The following CHRM2 variants were observed in gnomAD, a reference collection of about 807,000 sequenced individuals.
CHRM2 encodes the protein muscarinic acetylcholine receptor M2.
A neutral mutation model predicts 25.0 loss-of-function variants in CHRM2; 8 were observed. That is an observed-to-expected ratio of 0.32 (90% CI 0.19 to 0.58). CHRM2 has a LOEUF of 0.58. Ranked by LOEUF, CHRM2 falls within the 20% of genes least tolerant of loss-of-function variation. The probability of loss-of-function intolerance (pLI) is 0.88; values close to 1 mark genes in which losing one functional copy is unlikely to be tolerated. For synonymous variants in CHRM2, 202 were observed against 205.7 expected (o/e 0.98, Z 0.15); for missense variants, 440 against 567.1 (o/e 0.78, Z 2.28).
chr7:136,875,738 A>C (rs927029070), intron 2 of CHRM2, among the ~76,000 whole-genome samples: 4 of 152,198 alleles, frequency 2.6e-5, no homozygotes, highest in Non-Finnish European at 5.9e-5. Context: ...TCCATAGCTC[A>C]TAGAGCTGTT....
At chr7:136,910,261 AT>A (rs1797770171) in intron 2 of CHRM2, among the ~76,000 whole-genome samples, 1 of 151,918 alleles carries the variant, frequency 6.6e-6, no homozygotes, top group Admixed American at 6.6e-5. Context: ...GCTGATATTA[AT>A]TACCTACTAT....
At chr7:137,002,855 A>T (rs1407019676) in intron 3 of CHRM2, among the ~76,000 whole-genome samples, 1 of 152,108 alleles carries the variant, frequency 6.6e-6, no homozygotes, top group African/African-American at 2.4e-5. Flanking sequence ...GTTAAATTAT[A>T]ATGGACTCAG....
intron 2 of CHRM2, among the ~76,000 whole-genome samples, chr7:136,970,875 C>A (rs150038934): frequency 2.7e-3 from 411 of 152,224 alleles, no homozygotes; most frequent in African/African-American, 9.6e-3. Context: ...AATCTAAGAT[C>A]ACCATTTTTC....
At chr7:136,955,891 T>C (rs1800693874) in intron 2 of CHRM2, among the ~76,000 whole-genome samples, 1 of 152,220 alleles carries the variant, frequency 6.6e-6, no homozygotes, top group Admixed American at 6.5e-5. Context: ...AATCACCATA[T>C]GCTCATTAAC....
intron 2 of CHRM2, among the ~76,000 whole-genome samples, chr7:136,895,675 T>A (rs909534695): frequency 6.6e-6 from 1 of 152,226 alleles, no homozygotes; most frequent in Non-Finnish European, 1.5e-5. Context: ...GCATTTAAAC[T>A]TTCTTGCTAC....
intron 2 of CHRM2, among the ~76,000 whole-genome samples, chr7:136,958,448 C>CTTTTT (rs56127104): frequency 6.6e-5 from 6 of 91,144 alleles, no homozygotes; most frequent in South Asian, 3.9e-4. Context: ...GCAGTGTCAT[C>CTTTTT]TTTTTTTTTT....
At chr7:136,933,988 G>A in intron 2 of CHRM2, among the ~76,000 whole-genome samples, 1 of 152,028 alleles carries the variant, frequency 6.6e-6, no homozygotes, top group Non-Finnish European at 1.5e-5. Flanking sequence ...TTCAGAAGAT[G>A]GTAAAAAATG....
At chr7:136,932,383 C>T (rs1324002120) in intron 2 of CHRM2, among the ~76,000 whole-genome samples, 3 of 152,168 alleles carry the variant, frequency 2.0e-5, no homozygotes, top group Non-Finnish European at 4.4e-5. Context: ...TAAAAGAAGA[C>T]TTTGTATCAA....
chr7:136,896,267 C>T (rs1424394612), intron 2 of CHRM2, among the ~76,000 whole-genome samples: 8 of 152,122 alleles, frequency 5.3e-5, no homozygotes, highest in Admixed American at 1.3e-4. Context: ...TTTGGAAAGT[C>T]AGTATCAGTT....
chr7:136,962,039 A>C (rs1359421869), intron 2 of CHRM2, among the ~76,000 whole-genome samples: 1 of 152,020 alleles, frequency 6.6e-6, no homozygotes, highest in Non-Finnish European at 1.5e-5. Context: ...AGGGAAAAGG[A>C]ACGACTGGAG....
intron 2 of CHRM2, among the ~76,000 whole-genome samples, chr7:136,953,736 A>G (rs1302970606): frequency 6.6e-6 from 1 of 152,058 alleles, no homozygotes. Flanking sequence ...TTTAATGAAA[A>G]AAAAAAACAA....
At position 136,938,915 on chromosome 7, in the gene CHRM2, CAAAAAAAAAAAAAAAAAAAAA is replaced by C. The variant is rs56868385; in HGVS notation, c.-124-53244_-124-53224del. ...AAAATAAAACTTCAGCTAGCTCTGC[CAAAAAAAAAAAAAAAAAAAAA>C]AAAAAAAAAAAAAAAAAAAAAAAAA... On this transcript the variant is annotated intron_variant, in intron 2 of 3. Transcript: ENST00000680005. 1.1e-3 allele frequency among the ~76,000 whole-genome samples: 73 copies of C among 66,944 alleles called. 13 individuals are homozygous for C. The highest frequency in any genetic ancestry group is 3.6e-3 in the African/African-American group (68 of 18,980). The allele number at this position is 66,944 out of a possible 152,430, so 43.9% of individuals were successfully genotyped here. A position where few individuals can be genotyped will look rare whatever the true frequency, so the allele number is the denominator to read the frequency against.
intron 2 of CHRM2, among the ~76,000 whole-genome samples, chr7:136,967,640 A>G (rs1179850738): frequency 6.6e-6 from 1 of 152,030 alleles, no homozygotes; most frequent in Non-Finnish European, 1.5e-5. Context: ...ATTTGGATCT[A>G]GAAATGTTTT....
chr7:136,934,915 T>G (rs1799327151), intron 2 of CHRM2, among the ~76,000 whole-genome samples: 3 of 151,886 alleles, frequency 2.0e-5, no homozygotes, highest in Admixed American at 1.3e-4. Flanking sequence ...TCAAAGATTA[T>G]CAATAAACTA....
chr7:136,916,794 T>C (rs1327997346), intron 2 of CHRM2, among the ~76,000 whole-genome samples: 1 of 151,630 alleles, frequency 6.6e-6, no homozygotes, highest in African/African-American at 2.4e-5. Flanking sequence ...AAATTTAGTA[T>C]TGGGAACATT....
Position 137,015,098 on chromosome 7 carries a change from A to G in CHRM2, c.233A>G (p.Asn78Ser). ...ADLIIGVFSMNLYTLYTVIGY... is the reference protein window; with the variant it reads ...ADLIIGVFSMSLYTLYTVIGY... ...CTTATCATAGGTGTTTTCTCCATGAACTTGTACACCCTCTACACTGTGATT... is the reference window on the plus strand; with the variant it reads ...CTTATCATAGGTGTTTTCTCCATGAGCTTGTACACCCTCTACACTGTGATT... The change falls in exon 4 of 4, where the codon AAC (asparagine) becomes AGC (serine). Residue 78 changes from asparagine (N) to serine (S), a missense_variant. Around this residue, in one of 5 missense-constraint regions of CHRM2, gnomAD observed 86 missense variants for 124.9 expected, o/e 0.69. Coordinates refer to ENST00000680005, the MANE Select transcript of CHRM2 (RefSeq NM_001006630.2). This position sits in a 1 kb window ranked among gnomAD's most constrained non-coding sequence, Gnocchi z 5.1. 1.2e-6 allele frequency: 2 copies of G among 1,613,420 alleles called. No individual in the cohort carries two copies. Among genetic ancestry groups the G allele is most frequent in the Non-Finnish European group, 1.7e-6 (2 of 1,179,600 alleles).
At position 136,919,511 on chromosome 7, in the gene CHRM2, G is replaced by C. The variant is rs140183747; in HGVS notation, c.-125+50093G>C. Among the ~76,000 whole-genome samples, 374 of 152,152 alleles carry C rather than the reference G, an allele frequency of 2.5e-3. 1 individual carries two copies. The highest frequency in any genetic ancestry group is 8.5e-3 in the African/African-American group (351 of 41,528). ...GCAAACCTAGTCAAGTTGTTCTCCTGTTTAGAATTCTTCAATAACCTCTGT... is the reference window on the plus strand; with the variant it reads ...GCAAACCTAGTCAAGTTGTTCTCCTCTTTAGAATTCTTCAATAACCTCTGT... On this transcript the variant is annotated intron_variant, in intron 2 of 3. Coordinates refer to ENST00000680005, the MANE Select transcript of CHRM2 (RefSeq NM_001006630.2).
chr7:136,924,157 T>C (rs1019002940), intron 2 of CHRM2, among the ~76,000 whole-genome samples: 5 of 152,356 alleles, frequency 3.3e-5, no homozygotes, highest in African/African-American at 4.8e-5. Flanking sequence ...AGAAACAACA[T>C]GTGTGTGCAA....
chr7:136,968,444 C>T (rs1449476299), intron 2 of CHRM2, among the ~76,000 whole-genome samples: 1 of 151,806 alleles, frequency 6.6e-6, no homozygotes, highest in East Asian at 2.0e-4. Context: ...TAAATAAGTA[C>T]AGTCACTCAA....
Sources: gnomAD v4.1 joint callset for allele counts (sites outside exome capture counted in the v4.1 genomes callset) on GRCh38, gnomAD v4.1.1 for gene constraint, gnomAD v4.1.1 regional missense constraint, Gnocchi (gnomAD v3.1) non-coding constraint, MANE v1.5 for transcripts, NCBI Gene and HGNC (gene_info 2026-07-23, HGNC 2026-07-21) for gene names.